The following SRGAP3 variants were observed in gnomAD, a reference collection of about 807,000 sequenced individuals.
SRGAP3 encodes SLIT-ROBO Rho GTPase-activating protein 3.
A neutral mutation model predicts 121.1 loss-of-function variants in SRGAP3; 39 were observed. The observed-to-expected ratio is 0.32, with a 90% CI of 0.25 to 0.42. The LOEUF (loss-of-function observed/expected upper bound fraction) is 0.42. Ranked by LOEUF, SRGAP3 falls within the 10% of genes least tolerant of loss-of-function variation. SRGAP3 has a pLI of 1.00. For synonymous variants in SRGAP3, 601 were observed against 570.0 expected, an observed-to-expected ratio of 1.05 and a Z score of -0.77; for missense variants, 1,213 against 1,470.6, an observed-to-expected ratio of 0.82 and a Z score of 2.86.
Position 9,063,649 on chromosome 3 carries a change from G to A in SRGAP3, c.672+747C>T, listed in dbSNP as rs1946285631. Among the ~76,000 whole-genome samples, 3 of 152,252 alleles carry A rather than the reference G, an allele frequency of 2.0e-5. No individual in the cohort carries two copies. The East Asian group carries it at 5.8e-4, about 29-fold the overall frequency. ...CCACTGTGGCCAGCCCTACAGCACT[G>A]TTTTTAACTAAATCTGTTTCGAGTT... is the stretch of plus-strand genomic sequence containing the variant. On this transcript the variant is annotated intron_variant, in intron 5 of 21. Transcript: ENST00000383836.
At chr3:9,326,508 T>C (rs1017940689) in intron 2 of SRGAP3, among the ~76,000 whole-genome samples, 2 of 151,826 alleles carry the variant, frequency 1.3e-5, no homozygotes, top group African/African-American at 4.8e-5. Flanking sequence ...AGTCATGGAA[T>C]GCAGAACCTT....
chr3:9,328,510 T>G (rs1024128890), intron 2 of SRGAP3, among the ~76,000 whole-genome samples: 1 of 152,216 alleles, frequency 6.6e-6, no homozygotes, highest in African/African-American at 2.4e-5. Context: ...TTTAATAAAG[T>G]CCTTTTAAAA....
intron 5 of SRGAP3, among the ~76,000 whole-genome samples, chr3:9,062,818 T>G (rs1206073200): frequency 6.6e-6 from 1 of 152,236 alleles, no homozygotes; most frequent in African/African-American, 2.4e-5. Flanking sequence ...CTATTAAGAA[T>G]AATGCTGCTA....
At chr3:9,114,552 T>C (rs1251025384) in intron 2 of SRGAP3, among the ~76,000 whole-genome samples, 4 of 152,226 alleles carry the variant, frequency 2.6e-5, no homozygotes, top group Non-Finnish European at 4.4e-5. Flanking sequence ...GCTTCCTCTG[T>C]GATCCCATTC....
At position 8,985,238 on chromosome 3, in the gene SRGAP3, T is replaced by G; in HGVS notation, c.*281A>C. 1.5e-5 allele frequency: 8 copies of G among 516,702 alleles called. No homozygotes were observed. Among genetic ancestry groups the G allele is most frequent in the East Asian group, 3.5e-5 (1 of 28,408 alleles). 32.0% of individuals were successfully genotyped at this position (516,702 alleles called of 1,614,324 possible). The stretch of plus-strand genomic sequence containing the variant: ...CAGTGACGATATGCGGGAGAAGCCA[T>G]GTGGTATTTTGCCTCCATGTTAGGG... On this transcript the variant is annotated 3_prime_UTR_variant, in exon 22 of 22. Coordinates refer to ENST00000383836, the MANE Select transcript of SRGAP3 (RefSeq NM_014850.4). The surrounding 1 kb of genome is among the most constrained non-coding windows in gnomAD (Gnocchi z 5.1).
rs1054185383 is a variant in SRGAP3 at position 9,035,398 on chromosome 3, C to T, written c.1437-2646G>A. ...AAAGCAAAGGACTGTGTGAATCACA[C>T]GAGGATTTCTTTCTTTGTGTGGTGC... On this transcript the variant is annotated intron_variant, in intron 11 of 21. Transcript: ENST00000383836. The T allele has an allele frequency of 2.5e-4, 42 of 171,362 alleles. No homozygotes were observed. The South Asian group carries it at 2.6e-3, about 11-fold the overall frequency. The allele number at this position is 171,362 out of a possible 1,614,324, so 10.6% of individuals were successfully genotyped here.
intron 10 of SRGAP3, among the ~76,000 whole-genome samples, chr3:9,042,524 C>T (rs1945068664): frequency 6.6e-6 from 1 of 151,634 alleles, no homozygotes; most frequent in African/African-American, 2.4e-5. Flanking sequence ...GAACTTGGGG[C>T]AAATCAACAG....
intron 1 of SRGAP3, chr3:9,235,911 A>G (rs1953391192): frequency 6.5e-6 from 1 of 153,116 alleles, no homozygotes; most frequent in Non-Finnish European, 1.5e-5. Context: ...AAGCTGCACA[A>G]TTAAAAATGG....
chr3:9,105,066 C>T (rs901440572), intron 2 of SRGAP3, among the ~76,000 whole-genome samples: 3 of 152,240 alleles, frequency 2.0e-5, no homozygotes, highest in African/African-American at 4.8e-5. Context: ...GACGCCTATG[C>T]GGTTCTACTC....
intron 2 of SRGAP3, among the ~76,000 whole-genome samples, chr3:9,117,970 A>AT (rs199628562): frequency 1.6e-4 from 23 of 148,286 alleles, no homozygotes; most frequent in East Asian, 3.9e-4. Context: ...AAAATAATTC[A>AT]TTTTTTTTTT....
intron 1 of SRGAP3, chr3:9,192,583 T>C (rs1315438379): frequency 6.6e-6 from 1 of 152,284 alleles, no homozygotes; most frequent in African/African-American, 2.4e-5. Context: ...ACTGGAAATT[T>C]ATGCCTGGTG....
intron 12 of SRGAP3, among the ~76,000 whole-genome samples, chr3:9,027,471 G>A (rs1399336438): frequency 6.6e-6 from 1 of 152,150 alleles, no homozygotes; most frequent in Non-Finnish European, 1.5e-5. Context: ...GGCCCCTGGT[G>A]GAAATTTTGA....
chr3:9,008,460 A>C (rs1341330521), intron 18 of SRGAP3: 1 of 152,418 alleles, frequency 6.6e-6, no homozygotes. Flanking sequence ...AGAGAGAGAG[A>C]GAGCAAGCTA....
At chr3:9,281,698 G>A (rs1333928347) in intron 3 of SRGAP3, among the ~76,000 whole-genome samples, 2 of 151,992 alleles carry the variant, frequency 1.3e-5, no homozygotes, top group Admixed American at 1.3e-4. Flanking sequence ...TTTGAGACAG[G>A]GTCTTGCTCT....
intron 1 of SRGAP3, among the ~76,000 whole-genome samples, chr3:9,151,366 T>C (rs542826687): frequency 6.6e-6 from 1 of 152,016 alleles, no homozygotes; most frequent in East Asian, 1.9e-4. Context: ...GTGGAGAACG[T>C]GGAAGGGCAG....
chr3:9,121,598 A>G (rs1360467409), intron 2 of SRGAP3, among the ~76,000 whole-genome samples: 1 of 152,176 alleles, frequency 6.6e-6, no homozygotes, highest in East Asian at 1.9e-4. Context: ...GGCAGCCTGC[A>G]TGGCCGGGCT....
chr3:9,139,846 G>T (rs111451314), intron 1 of SRGAP3, among the ~76,000 whole-genome samples: 94 of 152,302 alleles, frequency 6.2e-4, no homozygotes, highest in African/African-American at 2.1e-3. Context: ...ACAATGTGTT[G>T]TAGAGGAGTC....
intron 1 of SRGAP3, among the ~76,000 whole-genome samples, chr3:9,224,087 G>A (rs906854373): frequency 4.6e-5 from 7 of 152,028 alleles, no homozygotes; most frequent in African/African-American, 1.7e-4. Flanking sequence ...CTCCAAACAC[G>A]CCTGCAACAA....
chr3:9,094,718 G>C (rs1378559085), intron 3 of SRGAP3, among the ~76,000 whole-genome samples: 1 of 152,102 alleles, frequency 6.6e-6, no homozygotes, highest in Admixed American at 6.6e-5. Context: ...CAGTAATTGT[G>C]AGCATCTTTT....
Sources: gnomAD v4.1 joint callset for allele counts (sites outside exome capture counted in the v4.1 genomes callset) on GRCh38, gnomAD v4.1.1 for gene constraint, Gnocchi (gnomAD v3.1) non-coding constraint, MANE v1.5 for transcripts, NCBI Gene and HGNC (gene_info 2026-07-23, HGNC 2026-07-21) for gene names.